The following SGCZ variants were observed in gnomAD, a reference collection of about 807,000 sequenced individuals.
SGCZ encodes sarcoglycan zeta.
In SGCZ, 40 loss-of-function variants were observed where a neutral mutation model predicts 41.3. The observed-to-expected ratio is 0.97, with a 90% CI of 0.75 to 1.26. The LOEUF is 1.26. SGCZ is among the 50% of genes most tolerant of loss of function. The pLI, the probability that SGCZ is intolerant of heterozygous loss-of-function variation, is 0.00. For synonymous variants in SGCZ, 206 were observed against 137.5 expected (o/e 1.50, Z -3.49); for missense variants, 552 against 369.8 (o/e 1.49, Z -4.04).
chr8:14,601,015 G>C (rs1315301572), intron 1 of SGCZ, among the ~76,000 whole-genome samples: 1 of 149,474 alleles, frequency 6.7e-6, no homozygotes, highest in African/African-American at 2.4e-5. Context: ...TAAAATATAT[G>C]TTTTATGCAT....
At chr8:14,641,841 G>C (rs1256578454) in intron 1 of SGCZ, among the ~76,000 whole-genome samples, 1 of 151,572 alleles carries the variant, frequency 6.6e-6, no homozygotes, top group Non-Finnish European at 1.5e-5. Flanking sequence ...AACTCCAAGT[G>C]AGCCAGCTTT....
chr8:15,039,885 T>C lies in SGCZ; in HGVS notation c.39+197700A>G, dbSNP rs1585501385. Among the ~76,000 whole-genome samples the C allele has an allele frequency of 3.3e-5, 5 of 152,340 alleles. No individual in the cohort carries two copies. In the East Asian group the frequency reaches 7.7e-4, roughly 24 times the overall value. Reference sequence around the variant, plus strand: ...TTTATGGTTAAACCGCAGCTTTTCATTTACACTACTAAGTTCCAATACCAT... The same window carrying C: ...TTTATGGTTAAACCGCAGCTTTTCACTTACACTACTAAGTTCCAATACCAT... On this transcript the variant is annotated intron_variant, in intron 1 of 7. Transcript: ENST00000382080.
intron 3 of SGCZ, among the ~76,000 whole-genome samples, chr8:14,251,746 A>G (rs73519405): frequency 0.23 from 34,294 of 152,126 alleles, 4,014 homozygotes; most frequent in East Asian, 0.27. Flanking sequence ...AAAAAATTCC[A>G]TTATGTTAAA....
intron 1 of SGCZ, among the ~76,000 whole-genome samples, chr8:15,214,637 T>C (rs1009335103): frequency 1.3e-5 from 2 of 152,156 alleles, no homozygotes; most frequent in African/African-American, 4.8e-5. Context: ...TCTCAGGCAG[T>C]TCCCTGAATC....
At chr8:14,098,215 T>C (rs889876163) in intron 7 of SGCZ, among the ~76,000 whole-genome samples, 2 of 152,206 alleles carry the variant, frequency 1.3e-5, no homozygotes, top group Non-Finnish European at 2.9e-5. Flanking sequence ...TGTTTATTGA[T>C]GTCAGATGTT....
chr8:14,390,744 G>C (rs560634531), intron 2 of SGCZ, among the ~76,000 whole-genome samples: 2 of 151,964 alleles, frequency 1.3e-5, no homozygotes, highest in East Asian at 3.9e-4. Flanking sequence ...TTCTAAGTAT[G>C]CATAATTTTT....
At chr8:14,601,982 T>C (rs1324634411) in intron 1 of SGCZ, among the ~76,000 whole-genome samples, 3 of 151,932 alleles carry the variant, frequency 2.0e-5, no homozygotes, top group Admixed American at 1.3e-4. Context: ...TAGCCGGGCC[T>C]GGTGGCGGGC....
At chr8:15,028,592 A>G (rs761263604) in intron 1 of SGCZ, among the ~76,000 whole-genome samples, 22 of 152,124 alleles carry the variant, frequency 1.4e-4, no homozygotes, top group Non-Finnish European at 3.1e-4. Context: ...CTATCCAGAT[A>G]AACTTGCTGG....
intron 1 of SGCZ, among the ~76,000 whole-genome samples, chr8:14,906,696 G>A (rs1191150198): frequency 6.6e-6 from 1 of 152,128 alleles, no homozygotes; most frequent in Admixed American, 6.5e-5. Flanking sequence ...CAAGAATGAA[G>A]ATCAAACAAC....
chr8:14,146,633 G>A (rs945086248), intron 5 of SGCZ, among the ~76,000 whole-genome samples: 1 of 152,002 alleles, frequency 6.6e-6, no homozygotes, highest in Non-Finnish European at 1.5e-5. Context: ...TACACTTTGG[G>A]AGGCCGAGGC....
intron 5 of SGCZ, among the ~76,000 whole-genome samples, chr8:14,152,990 A>G (rs747665394): frequency 1.6e-4 from 25 of 152,164 alleles, no homozygotes; most frequent in Non-Finnish European, 3.2e-4. Flanking sequence ...GTAGAAATGA[A>G]GAACAAATAA....
Position 14,554,888 on chromosome 8 carries a change from A to G in SGCZ, c.78T>C (p.Asn26=). Reference sequence around the variant, plus strand: ...GTGCATTCTCAGTCCTTGGCAGGTTATTCTGTTGGGTTGCTAGTATGTATT... The same window carrying G: ...GTGCATTCTCAGTCCTTGGCAGGTTGTTCTGTTGGGTTGCTAGTATGTATT... ...REQYILATQQ[N]NLPRTENAQL... Residue 26 remains asparagine, a synonymous_variant, in exon 2 of 8, where the codon AAT becomes AAC. Coordinates refer to ENST00000382080, the MANE Select transcript of SGCZ (RefSeq NM_139167.4). The G allele has an allele frequency of 6.2e-7, 1 of 1,613,036 alleles. No homozygotes were observed. The highest frequency in any genetic ancestry group is 8.5e-7 in the Non-Finnish European group (1 of 1,179,400).
At chr8:14,823,641 G>C (rs762402433) in intron 1 of SGCZ, among the ~76,000 whole-genome samples, 5 of 152,108 alleles carry the variant, frequency 3.3e-5, no homozygotes, top group African/African-American at 7.2e-5. Context: ...CTGTAAACTA[G>C]TACATGCATT....
chr8:14,447,215 A>G (rs1350059646), intron 2 of SGCZ, among the ~76,000 whole-genome samples: 1 of 152,186 alleles, frequency 6.6e-6, no homozygotes, highest in Admixed American at 6.5e-5. Context: ...TATTCTGTTT[A>G]TTGCAGTTCA....
chr8:14,506,548 T>C (rs1375675967), intron 2 of SGCZ, among the ~76,000 whole-genome samples: 2 of 152,122 alleles, frequency 1.3e-5, no homozygotes, highest in Admixed American at 6.5e-5. Context: ...TTTTCATGTA[T>C]ACCTGGACAC....
chr8:14,324,009 G>A, intron 3 of SGCZ, 94 bp downstream of exon 3: 1 of 749,614 alleles, frequency 1.3e-6, no homozygotes, highest in Non-Finnish European at 2.2e-6. Flanking sequence ...CTAAACACAT[G>A]CTGAAGAGAT....
chr8:14,881,747 G>C lies in SGCZ; in HGVS notation c.40-326821C>G, dbSNP rs113640143. ...CAAGTGTACCTGATAGGTATCAACA[G>C]AATTCTCCATCCAAAAATAACAGAA... On this transcript the variant is annotated intron_variant, in intron 1 of 7. Transcript: ENST00000382080. 4.6e-3 allele frequency among the ~76,000 whole-genome samples: 702 copies of C among 152,300 alleles called. 4 individuals carry two copies. Among genetic ancestry groups the C allele is most frequent in the African/African-American group, 0.016 (667 of 41,554 alleles).
At chr8:14,631,409 G>A (rs953638795) in intron 1 of SGCZ, among the ~76,000 whole-genome samples, 1 of 152,020 alleles carries the variant, frequency 6.6e-6, no homozygotes, top group African/African-American at 2.4e-5. Context: ...CATGTTGAGT[G>A]GTGCCATGTC....
intron 3 of SGCZ, among the ~76,000 whole-genome samples, chr8:14,274,659 C>G (rs1800170137): frequency 6.6e-6 from 1 of 152,026 alleles, no homozygotes; most frequent in African/African-American, 2.4e-5. Flanking sequence ...TTGGAGGCTC[C>G]CTAAACATTT....
Sources: allele counts gnomAD v4.1 joint callset (sites outside exome capture counted in the v4.1 genomes callset), GRCh38; gene constraint gnomAD v4.1.1; transcripts MANE v1.5; gene names NCBI Gene and HGNC (gene_info 2026-07-23, HGNC 2026-07-21).